Variants in PRKD1 observed in about 807,000 individuals in gnomAD.
PRKD1 encodes serine/threonine-protein kinase D1.
In PRKD1, 63 loss-of-function variants were observed where a neutral mutation model predicts 95.9. The observed-to-expected ratio is 0.66, with a 90% CI of 0.54 to 0.81. The LOEUF is 0.81. Ranked by LOEUF, PRKD1 falls within the 30% of genes least tolerant of loss-of-function variation. The pLI is 0.00. For synonymous variants in PRKD1, 425 were observed against 423.1 expected, an observed-to-expected ratio of 1.00 and a Z score of -0.05; for missense variants, 1,048 against 1,165.3, an observed-to-expected ratio of 0.90 and a Z score of 1.47.
intron 1 of PRKD1, among the ~76,000 whole-genome samples, chr14:29,878,870 G>A (rs8021630): frequency 5.3e-5 from 8 of 152,070 alleles, no homozygotes; most frequent in East Asian, 3.9e-4. Flanking sequence ...TTACTAAATT[G>A]TACACTTAAA....
At chr14:29,839,047 T>G (rs1891723534) in intron 1 of PRKD1, among the ~76,000 whole-genome samples, 1 of 152,030 alleles carries the variant, frequency 6.6e-6, no homozygotes, top group Non-Finnish European at 1.5e-5. Flanking sequence ...GATGAGACAA[T>G]GTTGAAGATA....
At chr14:29,582,828 A>C (rs1310021609) in intron 16 of PRKD1, among the ~76,000 whole-genome samples, 1 of 152,206 alleles carries the variant, frequency 6.6e-6, no homozygotes, top group African/African-American at 2.4e-5. Flanking sequence ...TGAATGTGGC[A>C]GGACATGCCT....
At chr14:29,920,837 AC>A (rs1425788275) in intron 1 of PRKD1, among the ~76,000 whole-genome samples, 1 of 152,220 alleles carries the variant, frequency 6.6e-6, no homozygotes, top group African/African-American at 2.4e-5. Flanking sequence ...TCTCAAAATG[AC>A]ATTTCTGCAT....
At chr14:29,601,541 ACC>A (rs2139019709) in intron 13 of PRKD1, among the ~76,000 whole-genome samples, 1 of 93,968 alleles carries the variant, frequency 1.1e-5, no homozygotes, top group Non-Finnish European at 2.4e-5. Context: ...CTTCGAATAG[ACC>A]TCACCTCCCA....
chr14:29,826,772 C>CATAT (rs1292508352), intron 1 of PRKD1, among the ~76,000 whole-genome samples: 2 of 21,204 alleles, frequency 9.4e-5, no homozygotes, highest in Non-Finnish European at 1.9e-4. Flanking sequence ...TATATATACA[C>CATAT]ATATATATAC....
chr14:29,714,392 T>A (rs1215117704), intron 2 of PRKD1, among the ~76,000 whole-genome samples: 1 of 152,018 alleles, frequency 6.6e-6, no homozygotes, highest in Non-Finnish European at 1.5e-5. Context: ...GAAATGCAAA[T>A]CAAAACCACA....
chr14:29,609,506 GCACACACACA>G (rs150570301), intron 13 of PRKD1, among the ~76,000 whole-genome samples: 17 of 127,428 alleles, frequency 1.3e-4, no homozygotes, highest in Admixed American at 4.8e-4. Flanking sequence ...GTGTGTGCGT[GCACACACACA>G]CACACACACA....
In PRKD1 at chr14:29,658,796, T is replaced by A. The variant is rs45577635; in HGVS notation, c.696+4903A>T. Among the ~76,000 whole-genome samples, 1,357 of 152,358 alleles carry A rather than the reference T, an allele frequency of 8.9e-3. 21 individuals are homozygous for A. Among genetic ancestry groups the A allele is most frequent in the African/African-American group, 0.031 (1,294 of 41,582 alleles). On this transcript the variant is annotated intron_variant, in intron 4 of 17. Transcript: ENST00000331968. The stretch of plus-strand genomic sequence containing the variant: ...AGTATCCCAGAATGATGTGGCATAT[T>A]ACTTTTAATTTAGCACCCAAAGAAT...
At chr14:29,833,573 T>C (rs1891496779) in intron 1 of PRKD1, among the ~76,000 whole-genome samples, 1 of 152,080 alleles carries the variant, frequency 6.6e-6, no homozygotes, top group Non-Finnish European at 1.5e-5. Flanking sequence ...AGGAAATGGA[T>C]TCTAATGATG....
chr14:29,666,911 G>A (rs1882552146), intron 2 of PRKD1, among the ~76,000 whole-genome samples: 1 of 152,034 alleles, frequency 6.6e-6, no homozygotes, highest in African/African-American at 2.4e-5. Context: ...TTTTGGTGTT[G>A]CTTACTGTTG....
At chr14:29,688,935 C>T (rs1398457519) in intron 2 of PRKD1, among the ~76,000 whole-genome samples, 5 of 110,994 alleles carry the variant, frequency 4.5e-5, no homozygotes, top group South Asian at 2.9e-4. Flanking sequence ...GGTGATAGAG[C>T]GAGACTCCGT....
At chr14:29,838,049 A>C (rs1484256532) in intron 1 of PRKD1, among the ~76,000 whole-genome samples, 3 of 152,156 alleles carry the variant, frequency 2.0e-5, no homozygotes, top group Non-Finnish European at 4.4e-5. Flanking sequence ...TACAGCACAA[A>C]ACTCCCCCTG....
chr14:29,627,761 T>A (rs1879720610), intron 11 of PRKD1, among the ~76,000 whole-genome samples: 1 of 152,202 alleles, frequency 6.6e-6, no homozygotes, highest in Admixed American at 6.5e-5. Context: ...CTTATCTTTT[T>A]CCTTTGTTCT....
intron 1 of PRKD1, among the ~76,000 whole-genome samples, chr14:29,774,865 G>A (rs1888666785): frequency 6.6e-6 from 1 of 152,104 alleles, no homozygotes; most frequent in African/African-American, 2.4e-5. Context: ...TTCTTCCACA[G>A]GAAAGCAACA....
chr14:29,812,133 C>T (rs1177170383), intron 1 of PRKD1: 1 of 152,140 alleles, frequency 6.6e-6, no homozygotes, highest in African/African-American at 2.4e-5. Context: ...AGCTATGATA[C>T]TAAACTAGAG....
intron 1 of PRKD1, among the ~76,000 whole-genome samples, chr14:29,864,028 T>A (rs1892799847): frequency 6.6e-6 from 1 of 152,108 alleles, no homozygotes; most frequent in East Asian, 1.9e-4. Flanking sequence ...GCTTGTTTTT[T>A]CAAAATTCAG....
intron 1 of PRKD1, among the ~76,000 whole-genome samples, chr14:29,732,945 GGTT>G (rs1186509711): frequency 6.8e-6 from 1 of 148,098 alleles, no homozygotes; most frequent in African/African-American, 2.5e-5. Context: ...TCTTGGTTGA[GGTT>G]CACTGTGCTT....
At chr14:29,848,249 A>T (rs1259954075) in intron 1 of PRKD1, among the ~76,000 whole-genome samples, 1 of 152,044 alleles carries the variant, frequency 6.6e-6, no homozygotes, top group Non-Finnish European at 1.5e-5. Flanking sequence ...GCTGCTTCTG[A>T]TCAAAAAGAT....
At chr14:29,635,951 T>C (rs1378143185) in intron 7 of PRKD1, among the ~76,000 whole-genome samples, 2 of 152,178 alleles carry the variant, frequency 1.3e-5, no homozygotes, top group Non-Finnish European at 2.9e-5. Context: ...CTGAGTTTGA[T>C]CTTGATTTTT....
Sources: allele counts gnomAD v4.1 joint callset (sites outside exome capture counted in the v4.1 genomes callset), GRCh38; gene constraint gnomAD v4.1.1; transcripts MANE v1.5; gene names NCBI Gene and HGNC (gene_info 2026-07-23, HGNC 2026-07-21).